NRXN3: variants seen among roughly 807,000 people sequenced by gnomAD.
NRXN3 encodes the protein neurexin III.
A neutral mutation model predicts 137.6 loss-of-function variants in NRXN3; 32 were observed. The ratio of observed to expected loss-of-function variants is 0.23; its 90% confidence interval spans 0.18 to 0.31. The LOEUF is 0.31. Among genes scored for constraint, NRXN3 ranks in the 10% least tolerant of loss-of-function variants. NRXN3 has a pLI of 1.00. For missense variants in NRXN3, 1,574 were observed against 2,062.5 expected (o/e 0.76, Z 4.59); for synonymous variants, 798 against 784.5 (o/e 1.02, Z -0.29).
intron 4 of NRXN3, among the ~76,000 whole-genome samples, chr14:78,361,073 T>A (rs1347568321): frequency 6.6e-6 from 1 of 152,212 alleles, no homozygotes; most frequent in Non-Finnish European, 1.5e-5. Flanking sequence ...GTTGGGTTAA[T>A]TTTAACATGG....
Position 78,918,462 on chromosome 14 carries a change from C to T in NRXN3, c.2276-38780C>T, listed in dbSNP as rs551578204. ...ACCTTGGGCAGAAGTAACCATGACA[C>T]GTTGGGGTTTGTATAAGTAATAAAC... On this transcript the variant is annotated intron_variant, in intron 10 of 20. Coordinates refer to ENST00000335750, the MANE Select transcript of NRXN3 (RefSeq NM_001330195.2). 3.9e-5 allele frequency among the ~76,000 whole-genome samples: 6 copies of T among 151,954 alleles called. No homozygotes were observed. The East Asian group carries it at 5.8e-4, about 15-fold the overall frequency.
chr14:78,334,573 T>C (rs555341315), intron 4 of NRXN3, among the ~76,000 whole-genome samples: 37 of 152,288 alleles, frequency 2.4e-4, no homozygotes, highest in African/African-American at 8.4e-4. Context: ...TCTGAAGTTG[T>C]GTGTGTGCGT....
chr14:79,821,270 T>C lies in NRXN3; in HGVS notation c.4093+16080T>C, dbSNP rs531948498. Among the ~76,000 whole-genome samples, 39 of 152,282 alleles carry C rather than the reference T, an allele frequency of 2.6e-4. 1 individual carries two copies. The South Asian group carries it at 7.7e-3, about 30-fold the overall frequency. Reference sequence around the variant, plus strand: ...CATGTGGCTAGTTGGTTTGTTTACTTGTTTGTTTACACTTACTCATTACTA... The same window carrying C: ...CATGTGGCTAGTTGGTTTGTTTACTCGTTTGTTTACACTTACTCATTACTA... On this transcript the variant is annotated intron_variant, in intron 20 of 20. Coordinates refer to ENST00000335750, the MANE Select transcript of NRXN3 (RefSeq NM_001330195.2).
chr14:78,816,649 G>A (rs1343667296), intron 10 of NRXN3, among the ~76,000 whole-genome samples: 1 of 152,124 alleles, frequency 6.6e-6, no homozygotes, highest in Non-Finnish European at 1.5e-5. Context: ...ACATGTATAA[G>A]AAGATCTATT....
intron 19 of NRXN3, among the ~76,000 whole-genome samples, chr14:79,753,325 G>A (rs2099005461): frequency 6.6e-6 from 1 of 151,870 alleles, no homozygotes; most frequent in Admixed American, 6.6e-5. Context: ...TAACCCAAAT[G>A]TCCAACAATG....
intron 4 of NRXN3, among the ~76,000 whole-genome samples, chr14:78,318,896 G>T (rs557058264): frequency 3.9e-5 from 6 of 152,342 alleles, no homozygotes; most frequent in Admixed American, 1.3e-4. Flanking sequence ...AGGCCAGTGT[G>T]TCTCACAATC....
intron 2 of NRXN3, among the ~76,000 whole-genome samples, chr14:78,260,196 G>A (rs2070454258): frequency 6.6e-6 from 1 of 152,314 alleles, no homozygotes; most frequent in South Asian, 2.1e-4. Flanking sequence ...AGTGGTGTAT[G>A]CATTAAAGGA....
chr14:79,618,169 T>G (rs1473268064), intron 16 of NRXN3, among the ~76,000 whole-genome samples: 1 of 151,986 alleles, frequency 6.6e-6, no homozygotes, highest in Non-Finnish European at 1.5e-5. Flanking sequence ...GACTCATTAT[T>G]TATTTATTAT....
rs1265763746 is a variant in NRXN3 at position 79,319,942 on chromosome 14, C to G, written c.3263-147279C>G. ...CCCAAGGGTGTATTTTGCTTAAAAGCAAGGCTGGCCAGAGAGGTTTGGTTT... is the reference window on the plus strand; with the variant it reads ...CCCAAGGGTGTATTTTGCTTAAAAGGAAGGCTGGCCAGAGAGGTTTGGTTT... On this transcript the variant is annotated intron_variant, in intron 15 of 20. Coordinates refer to ENST00000335750, the MANE Select transcript of NRXN3 (RefSeq NM_001330195.2). Among the ~76,000 whole-genome samples the G allele has an allele frequency of 4.6e-5, 7 of 152,228 alleles. No individual in the cohort carries two copies. In the East Asian group the frequency reaches 1.4e-3, roughly 29 times the overall value.
At chr14:79,015,481 A>G (rs956601452) in intron 15 of NRXN3, among the ~76,000 whole-genome samples, 8 of 152,114 alleles carry the variant, frequency 5.3e-5, no homozygotes, top group Non-Finnish European at 4.4e-5. Context: ...CAGACAACCC[A>G]TGGGTCTTGG....
chr14:79,035,860 G>T (rs2099615153), intron 15 of NRXN3, among the ~76,000 whole-genome samples: 1 of 152,040 alleles, frequency 6.6e-6, no homozygotes, highest in Admixed American at 6.6e-5. Context: ...GGGATGGATG[G>T]AACTAACTGT....
At chr14:79,113,911 C>T (rs113407463) in intron 15 of NRXN3, among the ~76,000 whole-genome samples, 205 of 152,306 alleles carry the variant, frequency 1.3e-3, no homozygotes, top group Admixed American at 3.7e-3. Context: ...GCATTTCTAA[C>T]GAGTTCCCAG....
intron 15 of NRXN3, among the ~76,000 whole-genome samples, chr14:79,217,029 C>T (rs1437661652): frequency 1.3e-5 from 2 of 151,692 alleles, no homozygotes; most frequent in African/African-American, 2.4e-5. Flanking sequence ...CCCAGCTACC[C>T]GGGAGGCTGA....
At chr14:79,720,720 T>C (rs1219549489) in intron 19 of NRXN3, among the ~76,000 whole-genome samples, 1 of 152,086 alleles carries the variant, frequency 6.6e-6, no homozygotes, top group African/African-American at 2.4e-5. Context: ...GACAGTTAAG[T>C]CAATTGCACT....
intron 4 of NRXN3, among the ~76,000 whole-genome samples, chr14:78,329,094 A>G (rs896949959): frequency 7.2e-5 from 11 of 152,202 alleles, no homozygotes; most frequent in African/African-American, 2.4e-4. Context: ...TTCTCCTGCA[A>G]TCTTTGCCTT....
At chr14:79,360,987 T>C (rs1490753837) in intron 15 of NRXN3, among the ~76,000 whole-genome samples, 1 of 152,242 alleles carries the variant, frequency 6.6e-6, no homozygotes, top group Non-Finnish European at 1.5e-5. Flanking sequence ...ATGCAAACTC[T>C]AGTCCTTTAA....
rs983316886 is a variant in NRXN3, at chr14:79,051,652, A to G, written c.3262+63511A>G. 6.6e-5 allele frequency among the ~76,000 whole-genome samples: 10 copies of G among 152,322 alleles called. No individual in the cohort carries two copies. The South Asian group carries it at 1.0e-3, about 16-fold the overall frequency. On this transcript the variant is annotated intron_variant, in intron 15 of 20. Coordinates refer to ENST00000335750, the MANE Select transcript of NRXN3 (RefSeq NM_001330195.2). ...CTTCATTTTTATGGAGCTGGCATCA[A>G]ACTGATTTTAGAAAGAACTGGCCTT...
chr14:78,676,237 G>A (rs2098004212), intron 6 of NRXN3, among the ~76,000 whole-genome samples: 1 of 152,172 alleles, frequency 6.6e-6, no homozygotes, highest in African/African-American at 2.4e-5. Context: ...CATATCTAAA[G>A]TTAAGATAGG....
At chr14:78,598,368 CAG>C (rs150100623) in intron 4 of NRXN3, among the ~76,000 whole-genome samples, 34 of 148,408 alleles carry the variant, frequency 2.3e-4, no homozygotes, top group Non-Finnish European at 2.6e-4. Flanking sequence ...TGAGATTCTG[CAG>C]AGAGAGAGAG....
Sources: gnomAD v4.1 joint callset for allele counts (sites outside exome capture counted in the v4.1 genomes callset) on GRCh38, gnomAD v4.1.1 for gene constraint, MANE v1.5 for transcripts, NCBI Gene and HGNC (gene_info 2026-07-23, HGNC 2026-07-21) for gene names.